Variants in SQSTM1 observed in about 807,000 individuals in gnomAD.
SQSTM1 encodes the protein sequestosome-1.
SQSTM1 carries 36 observed loss-of-function variants against 45.1 expected under a neutral mutation model. The ratio of observed to expected loss-of-function variants is 0.80; its 90% CI spans 0.61 to 1.05. The LOEUF is 1.05. SQSTM1 is among the 50% of genes least tolerant of loss of function. The pLI is 0.00. For missense variants in SQSTM1, 617 were observed against 607.1 expected, an observed-to-expected ratio of 1.02 and a Z score of -0.17; for synonymous variants, 290 against 244.3, an observed-to-expected ratio of 1.19 and a Z score of -1.74.
In SQSTM1 at chr5:179,835,236, A is replaced by G. The variant is rs1039146886; in HGVS notation, c.1166-1200A>G. ...CAGGCAGAGGGGCTCCTCACATTCC[A>G]GACGATGGGCGGCCAGGCAGAGACG... On this transcript the variant is annotated intron_variant, in intron 7 of 7. Transcript: ENST00000389805. 6.3e-5 allele frequency: 11 copies of G among 174,364 alleles called. 1 individual carries two copies. The highest frequency in any genetic ancestry group is 1.3e-4 in the Non-Finnish European group (11 of 81,958). 10.8% of individuals were successfully genotyped at this position (174,364 alleles called of 1,614,324 possible).
chr5:179,815,826 G>T (rs1219746999), upstream of SQSTM1, among the ~76,000 whole-genome samples: 1 of 152,100 alleles, frequency 6.6e-6, no homozygotes. Flanking sequence ...CACGCCTTCT[G>T]CTCCAGAGCA....
Position 179,833,078 on chromosome 5 carries a change from C to T in SQSTM1, c.801C>T (p.Arg267=). 3.1e-6 allele frequency: 5 copies of T among 1,614,204 alleles called. No homozygotes were observed. The highest frequency in any genetic ancestry group is 2.2e-5 in the East Asian group (1 of 44,874). ...IDVEHGGKRS[R]LTPVSPESSS... is the part of the protein sequence containing the mutation. ...TGGAGCACGGAGGGAAAAGAAGCCG[C>T]CTGACCCCCGTCTCTCCAGAGAGTT... Residue 267 remains arginine, a synonymous_variant, in exon 6 of 8, where the codon CGC becomes CGT. Transcript: ENST00000389805.
intron 5 of SQSTM1, among the ~76,000 whole-genome samples, chr5:179,832,759 C>T (rs1554091271): frequency 6.6e-6 from 1 of 152,114 alleles, no homozygotes; most frequent in Non-Finnish European, 1.5e-5. Context: ...TTCCAGAAGC[C>T]ACAGAGATTT....
intron 5 of SQSTM1, among the ~76,000 whole-genome samples, chr5:179,832,027 C>T (rs1407427734): frequency 6.6e-6 from 1 of 152,166 alleles, no homozygotes; most frequent in Non-Finnish European, 1.5e-5. Flanking sequence ...TCGTGATCCG[C>T]CCGCCTCGGC....
chr5:179,834,228 G>GGCA lies in SQSTM1; in HGVS notation c.1165+451_1165+453dup, dbSNP rs1327757797. On this transcript the variant is annotated intron_variant, in intron 7 of 7. Transcript: ENST00000389805. ...CACCGTTGAAGTGGATGGTGTGGCAGGCAGCAGTGGGGGGGTGGGGGGTGG... is the reference window on the plus strand; with the variant it reads ...CACCGTTGAAGTGGATGGTGTGGCAGGCAGCAGCAGTGGGGGGGTGGGGGGTGG... Among the ~76,000 whole-genome samples, 3 of 95,190 alleles carry GGCA rather than the reference G, an allele frequency of 3.2e-5. 1 individual carries two copies. The highest frequency in any genetic ancestry group is 1.4e-4 in the African/African-American group (3 of 20,852). 62.4% of individuals were successfully genotyped at this position (95,190 alleles called of 152,430 possible). A position where few individuals can be genotyped will look rare whatever the true frequency, so the allele number is the denominator to read the frequency against.
In SQSTM1 at chr5:179,824,220, C is replaced by T. The variant is rs758110159; in HGVS notation, c.570C>T (p.His190=). ...GCCGCTGGCTCCGGAAGGTGAAACACGGACACTTCGGGTGGCCAGGATGGG... is the reference window on the plus strand; with the variant it reads ...GCCGCTGGCTCCGGAAGGTGAAACATGGACACTTCGGGTGGCCAGGATGGG... ...SHSRWLRKVK[H]GHFGWPGWEM... The change falls in exon 4 of 8, where the codon CAC becomes CAT. Residue 190 remains histidine (H), a synonymous_variant. Coordinates refer to ENST00000389805, the MANE Select transcript of SQSTM1 (RefSeq NM_003900.5). 47 of 1,613,748 alleles carry T rather than the reference C, an allele frequency of 2.9e-5. No homozygotes were observed. The highest frequency in any genetic ancestry group is 4.0e-5 in the African/African-American group (3 of 74,948).
upstream of SQSTM1, among the ~76,000 whole-genome samples, chr5:179,818,199 G>A (rs1757641740): frequency 6.6e-6 from 1 of 151,972 alleles, no homozygotes; most frequent in African/African-American, 2.4e-5. Context: ...AGAATGAGCT[G>A]GCATGATTAG....
intron 5 of SQSTM1, among the ~76,000 whole-genome samples, chr5:179,827,520 G>A (rs367730797): frequency 6.6e-6 from 1 of 151,948 alleles, no homozygotes; most frequent in East Asian, 1.9e-4. Flanking sequence ...TCCTGACCTC[G>A]TGATCCACCC....
At chr5:179,825,377 C>T in intron 5 of SQSTM1, 151 bp downstream of exon 5, 1 of 739,832 alleles carries the variant, frequency 1.4e-6, no homozygotes, top group Non-Finnish European at 2.4e-6. Flanking sequence ...AGTGCTGGAC[C>T]ACGGGCAACT....
chr5:179,826,475 T>A (rs1158648493), intron 5 of SQSTM1, among the ~76,000 whole-genome samples: 21 of 151,326 alleles, frequency 1.4e-4, no homozygotes, highest in Non-Finnish European at 5.9e-5. Flanking sequence ...CCTTGCTCAT[T>A]CCACTTTGAG....
At chr5:179,835,153 A>G (rs1582026063) in intron 7 of SQSTM1, 1 of 207,942 alleles carries the variant, frequency 4.8e-6, no homozygotes, top group Non-Finnish European at 9.9e-6. Context: ...GGCGCTCCCC[A>G]CATCTCAGAC....
chr5:179,822,906 T>C lies in SQSTM1; in HGVS notation c.206-52T>C, dbSNP rs368413887. 17 of 1,510,096 alleles carry C rather than the reference T, an allele frequency of 1.1e-5. No individual in the cohort carries two copies. The African/African-American group carries it at 2.1e-4, about 18-fold the overall frequency. 93.5% of individuals were successfully genotyped at this position (1,510,096 alleles called of 1,614,324 possible). ...TGCCTCAGCCCATTCCAGCAGCTTATGTCCAGCTGAGAACCCCTGGGTGCT... is the reference window on the plus strand; with the variant it reads ...TGCCTCAGCCCATTCCAGCAGCTTACGTCCAGCTGAGAACCCCTGGGTGCT... On this transcript the variant is annotated intron_variant, in intron 1 of 7. Coordinates refer to ENST00000389805, the MANE Select transcript of SQSTM1 (RefSeq NM_003900.5).
intron 5 of SQSTM1, among the ~76,000 whole-genome samples, 159 bp downstream of exon 5, chr5:179,825,385 A>G (rs540085293): frequency 7.9e-5 from 12 of 152,290 alleles, no homozygotes; most frequent in African/African-American, 2.9e-4. Flanking sequence ...ACCACGGGCA[A>G]CTCAAGGTTG....
intron 1 of SQSTM1, among the ~76,000 whole-genome samples, chr5:179,810,347 C>T (rs1221275988): frequency 6.6e-6 from 1 of 152,166 alleles, no homozygotes; most frequent in African/African-American, 2.4e-5. Flanking sequence ...CAATTCCCAC[C>T]TATGAGTGAG....
At chr5:179,824,392 G>T (rs773735627) in intron 4 of SQSTM1, 69 bp downstream of exon 4, 1 of 1,609,310 alleles carries the variant, frequency 6.2e-7, no homozygotes, top group African/African-American at 1.3e-5. Context: ...CAGGGCCCTT[G>T]TGCAAAGCGT....
intron 1 of SQSTM1, among the ~76,000 whole-genome samples, chr5:179,809,789 G>A (rs371554901): frequency 4.0e-5 from 6 of 151,352 alleles, no homozygotes; most frequent in African/African-American, 7.3e-5. Flanking sequence ...GATTACAGGC[G>A]TGTGCTACCA....
Position 179,833,741 on chromosome 5 carries a change from C to G in SQSTM1, c.1124C>G (p.Thr375Arg), listed in dbSNP as rs753946383. ...CTGGACCCCTCCCAGGAGGGACCCA[C>G]AGGGCTGAAGGAAGCTGCCTTGTAC... is the stretch of plus-strand genomic sequence containing the variant. ...SSLDPSQEGP[T>R]GLKEAALYPH... Residue 375 changes from threonine (T) to arginine (R), a missense_variant, in exon 7 of 8, where the codon ACA becomes AGA. Transcript: ENST00000389805. 1.9e-6 allele frequency: 3 copies of G among 1,614,154 alleles called. No individual in the cohort carries two copies. Among genetic ancestry groups the G allele is most frequent in the East Asian group, 2.2e-5 (1 of 44,866 alleles).
At chr5:179,830,135 A>AACAC (rs1554090913) in intron 5 of SQSTM1, among the ~76,000 whole-genome samples, 8 of 151,312 alleles carry the variant, frequency 5.3e-5, no homozygotes, top group Admixed American at 1.3e-4. Flanking sequence ...AACAAAACAA[A>AACAC]AAACAAAAAT....
At chr5:179,824,783 G>C (rs970321764) in intron 4 of SQSTM1, among the ~76,000 whole-genome samples, 3 of 152,190 alleles carry the variant, frequency 2.0e-5, no homozygotes, top group African/African-American at 7.2e-5. Flanking sequence ...ACTGTGTCCT[G>C]TGAATCACCT....
Sources: allele counts gnomAD v4.1 joint callset (sites outside exome capture counted in the v4.1 genomes callset), GRCh38; gene constraint gnomAD v4.1.1; transcripts MANE v1.5; gene names NCBI Gene and HGNC (gene_info 2026-07-23, HGNC 2026-07-21).